Variants in MTREX observed in about 807,000 individuals in gnomAD.
The protein encoded by MTREX is exosome RNA helicase MTR4.
MTREX carries 76 observed loss-of-function variants against 135.4 expected under a neutral mutation model. That is an observed-to-expected ratio of 0.56 (90% CI 0.47 to 0.68). The LOEUF (loss-of-function observed/expected upper bound fraction) is 0.68. MTREX is among the 30% of genes least tolerant of loss of function. The pLI, the probability that MTREX is intolerant of heterozygous loss-of-function variation, is 0.00. For synonymous variants in MTREX, 404 were observed against 401.6 expected (o/e 1.01, Z -0.07); for missense variants, 920 against 1,262.1 (o/e 0.73, Z 4.11).
At chr5:55,335,594 C>T (rs1219105627) in intron 5 of MTREX, among the ~76,000 whole-genome samples, 1 of 151,996 alleles carries the variant, frequency 6.6e-6, no homozygotes, top group Non-Finnish European at 1.5e-5. Flanking sequence ...GTAAATTACT[C>T]GTAAATTGTG....
chr5:55,391,335 T>C (rs568938389), intron 19 of MTREX, among the ~76,000 whole-genome samples: 2 of 152,054 alleles, frequency 1.3e-5, no homozygotes, highest in African/African-American at 4.8e-5. Flanking sequence ...TAGTCCCTGC[T>C]GTTTTGGAGG....
chr5:55,385,546 GT>G (rs1438478164), intron 18 of MTREX, among the ~76,000 whole-genome samples: 1 of 152,120 alleles, frequency 6.6e-6, no homozygotes, highest in Non-Finnish European at 1.5e-5. Flanking sequence ...TGGAGTTTCT[GT>G]TTCAGTGAAG....
chr5:55,378,405 C>G lies in MTREX; in HGVS notation c.1902C>G (p.Ala634=). Residue 634 remains alanine, a synonymous_variant, in exon 17 of 27, where the codon GCC becomes GCG. Transcript: ENST00000230640. The part of the protein sequence containing the change: ...VIYYKIRQQL[A]KLGKEIEEYI... The stretch of plus-strand genomic sequence containing the variant: ...ATTATAAGATTAGACAGCAGCTTGC[C>G]AAATTGGGTAAAGAAATTGAAGAAT... 2.5e-6 allele frequency: 4 copies of G among 1,611,978 alleles called. No individual in the cohort carries two copies. Among genetic ancestry groups the G allele is most frequent in the Non-Finnish European group, 3.4e-6 (4 of 1,179,334 alleles).
At chr5:55,336,984 G>T (rs1182212265) in intron 5 of MTREX, among the ~76,000 whole-genome samples, 3 of 152,058 alleles carry the variant, frequency 2.0e-5, no homozygotes, top group Non-Finnish European at 2.9e-5. Flanking sequence ...TGTGTATTTG[G>T]CATACTTCTT....
chr5:55,354,785 A>G (rs1004196289), intron 14 of MTREX, among the ~76,000 whole-genome samples: 1 of 152,154 alleles, frequency 6.6e-6, no homozygotes, highest in African/African-American at 2.4e-5. Context: ...TTCCTACCCA[A>G]TAAAGGCAGC....
rs780667085 is a variant in MTREX, at chr5:55,347,095, A to C, written c.1191A>C (p.Lys397Asn). 4 of 1,609,366 alleles carry C rather than the reference A, an allele frequency of 2.5e-6. No individual in the cohort carries two copies. Among genetic ancestry groups the C allele is most frequent in the Non-Finnish European group, 3.4e-6 (4 of 1,177,520 alleles). The change falls in exon 11 of 27, where the codon AAA becomes AAC. Residue 397 changes from lysine to asparagine, a missense_variant. This residue lies in a region of MTREX where 101 missense variants were observed against 119.1 expected (regional missense o/e 0.85). Transcript: ENST00000230640. The stretch of plus-strand genomic sequence containing the variant: ...TGATTATTTTCAGTTTTAGTAAGAA[A>C]GATTGTGAAGCCTATGCACTTCAAA... ...QPVIIFSFSK[K>N]DCEAYALQMT...
Position 55,418,434 on chromosome 5 carries a change from C to G in MTREX, c.2971+2302C>G, listed in dbSNP as rs980321755. ...CTGCCAAATTGAAGATGGTTTGTAG[C>G]TCATACTAGATGCCACCTATGAGTT... On this transcript the variant is annotated intron_variant, in intron 25 of 26. Coordinates refer to ENST00000230640, the MANE Select transcript of MTREX (RefSeq NM_015360.5). Among the ~76,000 whole-genome samples the G allele has an allele frequency of 5.5e-5, 8 of 145,460 alleles. No homozygotes were observed. In the Admixed American group the frequency reaches 5.7e-4, roughly 10 times the overall value.
intron 3 of MTREX, among the ~76,000 whole-genome samples, chr5:55,325,338 T>TG (rs1365313274): frequency 1.5e-5 from 2 of 137,668 alleles, no homozygotes; most frequent in East Asian, 2.1e-4. Flanking sequence ...GGTTTTTTTT[T>TG]GTTTTTTTTT....
At position 55,379,135 on chromosome 5, in the gene MTREX, T is replaced by C. The variant is rs139182599; in HGVS notation, c.1992T>C (p.Asn664=). Residue 664 remains asparagine, a synonymous_variant, in exon 18 of 27, where the codon AAT becomes AAC. Coordinates refer to ENST00000230640, the MANE Select transcript of MTREX (RefSeq NM_015360.5). ...CTTTTCTTTCTTTTTAGGTAAAGAA[T>C]GAAGGAGATGACTTTGGCTGGGGAG... ...LQPGRLVKVK[N]EGDDFGWGVV... The C allele has an allele frequency of 3.7e-3, 6,006 of 1,607,574 alleles. 36 individuals are homozygous for C. Among genetic ancestry groups the C allele is most frequent in the Non-Finnish European group, 3.9e-3 (4,554 of 1,175,850 alleles).
At chr5:55,371,712 T>TA (rs1750206550) in intron 16 of MTREX, among the ~76,000 whole-genome samples, 3 of 152,198 alleles carry the variant, frequency 2.0e-5, no homozygotes, top group Non-Finnish European at 2.9e-5. Flanking sequence ...TCTAATTTGT[T>TA]ACATGTATAT....
intron 15 of MTREX, among the ~76,000 whole-genome samples, chr5:55,360,889 A>G (rs1041665989): frequency 9.9e-5 from 15 of 152,198 alleles, no homozygotes; most frequent in Non-Finnish European, 1.9e-4. Context: ...GTTAATTACA[A>G]TAATTATGTT....
chr5:55,361,912 G>GTTTGTTTGTT lies in MTREX; in HGVS notation c.1659+3221_1659+3222insGTTTTTGTTT, dbSNP rs57156858. ...CCAGCCTTGTTGTTGTTGTTTGTTT[G>GTTTGTTTGTT]TTTGTTTTTGTTTTTGTTTTTGGAG... On this transcript the variant is annotated intron_variant, in intron 15 of 26. Coordinates refer to ENST00000230640, the MANE Select transcript of MTREX (RefSeq NM_015360.5). Among the ~76,000 whole-genome samples, 426 of 150,508 alleles carry GTTTGTTTGTT rather than the reference G, an allele frequency of 2.8e-3. 1 individual carries two copies. Among genetic ancestry groups the GTTTGTTTGTT allele is most frequent in the East Asian group, 0.014 (72 of 5,016 alleles).
intron 6 of MTREX, among the ~76,000 whole-genome samples, 183 bp from the exon 7 acceptor site, chr5:55,341,498 A>G (rs1003751180): frequency 5.9e-5 from 9 of 152,312 alleles, no homozygotes; most frequent in African/African-American, 2.2e-4. Context: ...CAACAATGTA[A>G]TATTGAATAT....
intron 5 of MTREX, among the ~76,000 whole-genome samples, chr5:55,330,998 T>A (rs1042973301): frequency 6.6e-6 from 1 of 152,194 alleles, no homozygotes; most frequent in African/African-American, 2.4e-5. Flanking sequence ...TGTGTTTTTT[T>A]AATCTCAGAC....
At chr5:55,329,341 T>C (rs1749432559) in intron 5 of MTREX, 1 of 151,894 alleles carries the variant, frequency 6.6e-6, no homozygotes, top group Admixed American at 6.6e-5. Context: ...AATTTTTTTT[T>C]TCTTTTTTTT....
intron 5 of MTREX, among the ~76,000 whole-genome samples, chr5:55,331,221 C>T (rs981305620): frequency 6.6e-6 from 1 of 152,108 alleles, no homozygotes; most frequent in Non-Finnish European, 1.5e-5. Context: ...TGTTTTCCTG[C>T]ACCTTGACAT....
chr5:55,347,558 C>CT (rs1749758637), intron 11 of MTREX, among the ~76,000 whole-genome samples: 1 of 152,162 alleles, frequency 6.6e-6, no homozygotes, highest in African/African-American at 2.4e-5. Flanking sequence ...CTGCCCTTTG[C>CT]TTAACTATTT....
chr5:55,349,702 T>A (rs1749797357), intron 12 of MTREX, 50 bp downstream of exon 12: 2 of 977,894 alleles, frequency 2.0e-6, no homozygotes, highest in Non-Finnish European at 3.3e-6. Flanking sequence ...ATAGATTGCA[T>A]ATATTCACTT....
At position 55,405,509 on chromosome 5, in the gene MTREX, C is replaced by T. The variant is rs765218202; in HGVS notation, c.2566C>T (p.Arg856Cys). 10 of 1,613,522 alleles carry T rather than the reference C, an allele frequency of 6.2e-6. No individual in the cohort carries two copies. The highest frequency in any genetic ancestry group is 2.2e-5 in the East Asian group (1 of 44,856). The stretch of plus-strand genomic sequence containing the variant: ...AATGGATGAACTCAAATGTCGCAAA[C>T]GTGTTTTAAGAAGGTTGGGATTTGC... ...LQMDELKCRK[R>C]VLRRLGFATS... The change falls in exon 22 of 27, where the codon CGT (arginine) becomes TGT (cysteine). Residue 856 changes from arginine to cysteine, a missense_variant. Arg to Cys is a radical substitution (Grantham distance 180). Transcript: ENST00000230640.
Sources: allele counts gnomAD v4.1 joint callset (sites outside exome capture counted in the v4.1 genomes callset), GRCh38; gene constraint gnomAD v4.1.1; regional missense constraint gnomAD v4.1.1; transcripts MANE v1.5; gene names NCBI Gene and HGNC (gene_info 2026-07-23, HGNC 2026-07-21).